CADM2: variants seen among roughly 807,000 people sequenced by gnomAD.
CADM2 encodes the protein immunoglobulin superfamily member 4D.
A neutral mutation model predicts 49.8 loss-of-function variants in CADM2; 12 were observed. That is an observed-to-expected ratio of 0.24 (90% confidence interval 0.15 to 0.39). CADM2 has a LOEUF of 0.39. Ranked by LOEUF, CADM2 falls within the 10% of genes least tolerant of loss-of-function variation. The pLI is 1.00. For missense variants in CADM2, 378 were observed against 492.3 expected, an observed-to-expected ratio of 0.77 and a Z score of 2.20; for synonymous variants, 214 against 175.4, an observed-to-expected ratio of 1.22 and a Z score of -1.74.
chr3:85,721,914 T>C (rs1226160504), intron 1 of CADM2, among the ~76,000 whole-genome samples: 1 of 152,228 alleles, frequency 6.6e-6, no homozygotes, highest in Non-Finnish European at 1.5e-5. Context: ...GAATGAGACA[T>C]GCAGAAACAT....
chr3:85,752,016 T>C (rs1412605821), intron 2 of CADM2, among the ~76,000 whole-genome samples: 3 of 152,096 alleles, frequency 2.0e-5, no homozygotes, highest in South Asian at 2.1e-4. Flanking sequence ...AACTTTAAGA[T>C]AATTTAAATA....
At chr3:85,498,809 T>C (rs969481909) in intron 1 of CADM2, among the ~76,000 whole-genome samples, 2 of 152,188 alleles carry the variant, frequency 1.3e-5, no homozygotes, top group Non-Finnish European at 2.9e-5. Context: ...TTGTATTTAC[T>C]AATTCAGTGT....
At chr3:85,076,738 G>A (rs1157133144) in intron 1 of CADM2, among the ~76,000 whole-genome samples, 5 of 152,134 alleles carry the variant, frequency 3.3e-5, no homozygotes, top group Admixed American at 1.3e-4. Context: ...TTGAGAGGTC[G>A]AGGTGTAAGA....
chr3:85,464,960 T>A (rs2038421651), intron 1 of CADM2, among the ~76,000 whole-genome samples: 1 of 152,028 alleles, frequency 6.6e-6, no homozygotes, highest in African/African-American at 2.4e-5. Flanking sequence ...CCATCCTGGC[T>A]AACACTGTGA....
At chr3:86,031,675 A>G (rs886589502) in intron 8 of CADM2, among the ~76,000 whole-genome samples, 1 of 151,754 alleles carries the variant, frequency 6.6e-6, no homozygotes, top group Non-Finnish European at 1.5e-5. Context: ...GCTCATAGAT[A>G]TTTTATTTTC....
intron 2 of CADM2, among the ~76,000 whole-genome samples, chr3:85,784,842 A>C (rs1014797398): frequency 2.6e-5 from 4 of 152,106 alleles, no homozygotes; most frequent in African/African-American, 9.7e-5. Flanking sequence ...GATTTTTTTG[A>C]AACAGTTTAA....
rs535868657 is a variant in CADM2 at position 85,488,641 on chromosome 3, C to T, written c.62-237881C>T. The stretch of plus-strand genomic sequence containing the variant: ...CCGACTCCCTGGTTCAAGAAATTCT[C>T]CTGTCTCAGCCTCCCAAGTAGCTGG... On this transcript the variant is annotated intron_variant, in intron 1 of 9. Coordinates refer to ENST00000383699, the MANE Select transcript of CADM2 (RefSeq NM_001167675.2). 4.6e-5 allele frequency among the ~76,000 whole-genome samples: 7 copies of T among 152,206 alleles called. No individual in the cohort carries two copies. In the East Asian group the frequency reaches 7.7e-4, roughly 17 times the overall value.
intron 1 of CADM2, among the ~76,000 whole-genome samples, chr3:85,486,022 A>G (rs1271713270): frequency 2.6e-5 from 4 of 152,242 alleles, no homozygotes; most frequent in African/African-American, 9.6e-5. Flanking sequence ...TTAAGAACCG[A>G]GTAGCAGAGG....
At chr3:85,704,816 T>C (rs1172672492) in intron 1 of CADM2, among the ~76,000 whole-genome samples, 1 of 151,756 alleles carries the variant, frequency 6.6e-6, no homozygotes, top group East Asian at 1.9e-4. Flanking sequence ...ATATATTGAA[T>C]AGGGCAATTA....
chr3:85,232,115 T>G (rs2042306328), intron 1 of CADM2, among the ~76,000 whole-genome samples: 4 of 146,366 alleles, frequency 2.7e-5, no homozygotes. Context: ...TTTTTTGTGT[T>G]ATTTTGTTCG....
chr3:85,390,030 G>C (rs1026234428), intron 1 of CADM2, among the ~76,000 whole-genome samples: 1 of 151,890 alleles, frequency 6.6e-6, no homozygotes, highest in East Asian at 1.9e-4. Context: ...AATCAAACTA[G>C]TGAATATACA....
intron 1 of CADM2, among the ~76,000 whole-genome samples, chr3:85,348,186 A>G (rs1179761608): frequency 6.6e-6 from 1 of 152,150 alleles, no homozygotes; most frequent in Non-Finnish European, 1.5e-5. Context: ...TCCTCAGCCA[A>G]TTGCAAAACT....
intron 8 of CADM2, among the ~76,000 whole-genome samples, chr3:86,046,921 A>G (rs377518014): frequency 8.5e-4 from 129 of 152,034 alleles, no homozygotes; most frequent in African/African-American, 5.1e-4. Flanking sequence ...TTATTTCTCA[A>G]TGTTCTTGGA....
intron 1 of CADM2, among the ~76,000 whole-genome samples, chr3:85,146,589 TACTC>T (rs1465327925): frequency 1.3e-5 from 2 of 152,228 alleles, no homozygotes; most frequent in Non-Finnish European, 2.9e-5. Context: ...CAATAGTAAT[TACTC>T]TGTTGTCACA....
intron 1 of CADM2, among the ~76,000 whole-genome samples, chr3:85,098,690 A>G (rs796183725): frequency 2.0e-4 from 31 of 152,302 alleles, no homozygotes; most frequent in African/African-American, 7.5e-4. Flanking sequence ...TCACCCACGT[A>G]TACCCAAATA....
intron 1 of CADM2, among the ~76,000 whole-genome samples, chr3:85,086,349 T>C (rs2037375261): frequency 6.6e-6 from 1 of 151,904 alleles, no homozygotes; most frequent in African/African-American, 2.4e-5. Flanking sequence ...GCTCATAGAA[T>C]GGATTCCATG....
At chr3:85,108,400 G>A (rs1244073237) in intron 1 of CADM2, among the ~76,000 whole-genome samples, 3 of 152,124 alleles carry the variant, frequency 2.0e-5, no homozygotes, top group Non-Finnish European at 4.4e-5. Context: ...CTAGGGTGTG[G>A]ATAAATCTTG....
intron 2 of CADM2, chr3:85,800,986 G>A (rs1040712248): frequency 6.6e-6 from 1 of 152,156 alleles, no homozygotes; most frequent in African/African-American, 2.4e-5. Context: ...TCATGGATGT[G>A]ATTAAGTCAT....
chr3:85,510,291 A>G (rs980510773), intron 1 of CADM2, among the ~76,000 whole-genome samples: 2 of 152,038 alleles, frequency 1.3e-5, no homozygotes, highest in Non-Finnish European at 2.9e-5. Context: ...CTACCTGTAC[A>G]TCTACCATTT....
Sources: allele counts gnomAD v4.1 joint callset (sites outside exome capture counted in the v4.1 genomes callset), GRCh38; gene constraint gnomAD v4.1.1; transcripts MANE v1.5; gene names NCBI Gene and HGNC (gene_info 2026-07-23, HGNC 2026-07-21).